The following CPQ variants were observed in gnomAD, a reference collection of about 807,000 sequenced individuals.
CPQ encodes the protein Ser-Met dipeptidase.
CPQ carries 37 observed loss-of-function variants against 45.7 expected under a neutral mutation model. The ratio of observed to expected loss-of-function variants is 0.81; its 90% confidence interval spans 0.62 to 1.07. The LOEUF is 1.07. CPQ is among the 50% of genes least tolerant of loss of function. CPQ has a pLI of 0.00. For synonymous variants in CPQ, 186 were observed against 205.8 expected (o/e 0.90, Z 0.82); for missense variants, 537 against 572.9 (o/e 0.94, Z 0.64).
chr8:97,019,701 C>A (rs746427634), intron 5 of CPQ, among the ~76,000 whole-genome samples: 1 of 152,274 alleles, frequency 6.6e-6, no homozygotes, highest in South Asian at 2.1e-4. Context: ...ATGCACCTAA[C>A]ACTGGAGCTC....
At chr8:96,691,970 G>T (rs1463467815) in intron 1 of CPQ, among the ~76,000 whole-genome samples, 1 of 152,088 alleles carries the variant, frequency 6.6e-6, no homozygotes, top group Non-Finnish European at 1.5e-5. Context: ...AACACCCTGG[G>T]CATTATCAAA....
At chr8:96,944,528 G>C (rs1204635169) in intron 4 of CPQ, among the ~76,000 whole-genome samples, 1 of 152,136 alleles carries the variant, frequency 6.6e-6, no homozygotes, top group African/African-American at 2.4e-5. Context: ...AAAAAGGACT[G>C]GTACAAAATT....
chr8:97,107,991 G>C (rs1406132465), intron 7 of CPQ, among the ~76,000 whole-genome samples: 1 of 152,184 alleles, frequency 6.6e-6, no homozygotes, highest in Non-Finnish European at 1.5e-5. Context: ...AGAGCATGTG[G>C]ATGCTGATGC....
chr8:96,965,221 A>G (rs1055016471), intron 4 of CPQ, among the ~76,000 whole-genome samples: 34 of 152,210 alleles, frequency 2.2e-4, no homozygotes, highest in African/African-American at 7.2e-4. Flanking sequence ...TCTCATTTAA[A>G]TCAATTCAAC....
intron 1 of CPQ, among the ~76,000 whole-genome samples, chr8:96,729,454 G>A (rs1192225724): frequency 6.6e-6 from 1 of 152,210 alleles, no homozygotes; most frequent in Admixed American, 6.5e-5. Flanking sequence ...TTCATTATAA[G>A]AAGGACAGTA....
intron 5 of CPQ, among the ~76,000 whole-genome samples, chr8:96,986,719 TAGAG>T (rs1420887697): frequency 2.0e-5 from 3 of 152,138 alleles, no homozygotes; most frequent in Non-Finnish European, 4.4e-5. Flanking sequence ...TTTATGTAGT[TAGAG>T]AGAGAGCATA....
intron 7 of CPQ, among the ~76,000 whole-genome samples, chr8:97,094,951 G>A (rs1481209232): frequency 6.6e-6 from 1 of 152,098 alleles, no homozygotes; most frequent in African/African-American, 2.4e-5. Context: ...GTGCATTCTA[G>A]TCCTTTTCTT....
chr8:96,983,438 G>T (rs1813941871), intron 5 of CPQ, among the ~76,000 whole-genome samples: 1 of 152,126 alleles, frequency 6.6e-6, no homozygotes, highest in South Asian at 2.1e-4. Flanking sequence ...GAGTTGTAGT[G>T]TGGTCTATAG....
chr8:97,085,305 T>G (rs113960715), intron 7 of CPQ, among the ~76,000 whole-genome samples: 18,019 of 151,674 alleles, frequency 0.12, 1,843 homozygotes, highest in African/African-American at 0.27. Flanking sequence ...GATCACTTGA[T>G]CCCAGAAGGT....
chr8:96,829,289 T>G (rs1287998974), intron 2 of CPQ, among the ~76,000 whole-genome samples: 1 of 152,084 alleles, frequency 6.6e-6, no homozygotes, highest in African/African-American at 2.4e-5. Flanking sequence ...GCAGGTCTAA[T>G]TTGAGCCAGA....
rs184442142 is a variant in CPQ, at chr8:96,814,221, G to A, written c.434-20752G>A. 3.1e-3 allele frequency among the ~76,000 whole-genome samples: 471 copies of A among 151,990 alleles called. 1 individual carries two copies. Among genetic ancestry groups the A allele is most frequent in the African/African-American group, 0.01 (421 of 41,478 alleles). On this transcript the variant is annotated intron_variant, in intron 2 of 7. Transcript: ENST00000220763. ...CAGAAAGCCAATTGATTGGTTTCCTGAAGCTCTATTGTTTCCTCCTGTCAA... is the reference window on the plus strand; with the variant it reads ...CAGAAAGCCAATTGATTGGTTTCCTAAAGCTCTATTGTTTCCTCCTGTCAA...
intron 2 of CPQ, among the ~76,000 whole-genome samples, chr8:96,828,346 C>T (rs1811404003): frequency 6.6e-6 from 1 of 152,026 alleles, no homozygotes. Flanking sequence ...TGATATCACC[C>T]TGCAAACGTG....
intron 1 of CPQ, among the ~76,000 whole-genome samples, chr8:96,690,452 CTTATACATGTGATTTG>C (rs746412650): frequency 1.8e-4 from 28 of 152,122 alleles, no homozygotes; most frequent in Non-Finnish European, 3.2e-4. Flanking sequence ...GAAAATATAG[CTTATACATGTGATTTG>C]TTATTCAGTC....
chr8:97,067,690 C>T (rs373480544), intron 7 of CPQ, among the ~76,000 whole-genome samples: 1 of 152,124 alleles, frequency 6.6e-6, no homozygotes, highest in Non-Finnish European at 1.5e-5. Flanking sequence ...CTTTTCTGTA[C>T]TCTAATAGAA....
chr8:97,094,648 C>T (rs1429536436), intron 7 of CPQ, among the ~76,000 whole-genome samples: 1 of 152,126 alleles, frequency 6.6e-6, no homozygotes, highest in East Asian at 1.9e-4. Context: ...CCCCTCTATG[C>T]CCTCAAGCAA....
chr8:96,806,970 A>G lies in CPQ; in HGVS notation c.433+21640A>G, dbSNP rs183375698. Among the ~76,000 whole-genome samples, 344 of 152,326 alleles carry G rather than the reference A, an allele frequency of 2.3e-3. 4 individuals are homozygous for G. The highest frequency in any genetic ancestry group is 8.1e-3 in the African/African-American group (336 of 41,580). ...ATGTACCCTATAAATGTATATACCT[A>G]TTATGTACCCACAAAAATTAAAAGT... On this transcript the variant is annotated intron_variant, in intron 2 of 7. Transcript: ENST00000220763.
chr8:96,882,068 G>A (rs1265400601), intron 4 of CPQ, among the ~76,000 whole-genome samples: 1 of 152,174 alleles, frequency 6.6e-6, no homozygotes, highest in East Asian at 1.9e-4. Context: ...TTATGCACAT[G>A]ACTTCTCCCA....
At chr8:96,960,211 T>C (rs1813433446) in intron 4 of CPQ, among the ~76,000 whole-genome samples, 1 of 152,230 alleles carries the variant, frequency 6.6e-6, no homozygotes, top group African/African-American at 2.4e-5. Context: ...TAATACTTTT[T>C]AATATGCTTC....
At chr8:96,821,627 A>G (rs1811308815) in intron 2 of CPQ, among the ~76,000 whole-genome samples, 1 of 151,976 alleles carries the variant, frequency 6.6e-6, no homozygotes, top group South Asian at 2.1e-4. Context: ...TTGATGCAAA[A>G]AAGTTGAAAT....
Sources: allele counts gnomAD v4.1 joint callset (sites outside exome capture counted in the v4.1 genomes callset), GRCh38; gene constraint gnomAD v4.1.1; transcripts MANE v1.5; gene names NCBI Gene and HGNC (gene_info 2026-07-23, HGNC 2026-07-21).